CPNE3: variants seen among roughly 807,000 people sequenced by gnomAD.
CPNE3 encodes copine 3.
In CPNE3, 68 loss-of-function variants were observed where a neutral mutation model predicts 63.9. The observed-to-expected ratio is 1.06, with a 90% CI of 0.87 to 1.30. The LOEUF is 1.30. Ranked by LOEUF, CPNE3 falls within the 50% of genes most tolerant of loss-of-function variation. The pLI is 0.00. For synonymous variants in CPNE3, 219 were observed against 197.5 expected, an observed-to-expected ratio of 1.11 and a Z score of -0.91; for missense variants, 665 against 578.1, an observed-to-expected ratio of 1.15 and a Z score of -1.54.
chr8:86,526,241 T>A (rs147083385), intron 2 of CPNE3, among the ~76,000 whole-genome samples: 1 of 151,272 alleles, frequency 6.6e-6, no homozygotes, highest in Non-Finnish European at 1.5e-5. Context: ...AAAAAAAAAA[T>A]TGGGTGTGTG....
rs1821386211 is a variant in CPNE3, at chr8:86,559,291, G to C, written c.*881G>C. 3.3e-5 allele frequency: 5 copies of C among 151,890 alleles called. No homozygotes were observed. 9.4% of individuals were successfully genotyped at this position (151,890 alleles called of 1,614,324 possible). A position where few individuals can be genotyped will look rare whatever the true frequency, so the allele number is the denominator to read the frequency against. On this transcript the variant is annotated 3_prime_UTR_variant, in exon 17 of 17. Coordinates refer to ENST00000517490, the MANE Select transcript of CPNE3 (RefSeq NM_003909.5). ...ACTGTTTTGTCCAGGAAAGATAAGA[G>C]GACCAAACATATAAGGTGAAATTCA...
chr8:86,555,770 C>T (rs73269510), intron 15 of CPNE3, among the ~76,000 whole-genome samples: 1,772 of 152,078 alleles, frequency 0.012, 31 homozygotes, highest in African/African-American at 0.039. Flanking sequence ...TTCCACTTGC[C>T]TCCTTGATAG....
intron 4 of CPNE3, among the ~76,000 whole-genome samples, chr8:86,530,412 C>T (rs1820648836): frequency 6.6e-6 from 1 of 152,112 alleles, no homozygotes; most frequent in South Asian, 2.1e-4. Context: ...TCAAGCAATC[C>T]TCCCACCTCA....
chr8:86,533,334 G>A (rs1820726181), intron 6 of CPNE3, among the ~76,000 whole-genome samples: 1 of 152,002 alleles, frequency 6.6e-6, no homozygotes, highest in Admixed American at 6.6e-5. Context: ...CTTGAGCTCA[G>A]AAGTTTGAGA....
intron 15 of CPNE3, among the ~76,000 whole-genome samples, chr8:86,555,396 C>G (rs144794462): frequency 3.5e-4 from 54 of 152,310 alleles, no homozygotes; most frequent in African/African-American, 1.0e-3. Context: ...CCAAATTTCT[C>G]TTAGCCTCAG....
chr8:86,528,876 A>G, intron 3 of CPNE3, 69 bp from the exon 4 acceptor site: 3 of 1,418,948 alleles, frequency 2.1e-6, no homozygotes, highest in Non-Finnish European at 2.9e-6. Flanking sequence ...TGTTTAGTAT[A>G]TAAAGATGTG....
chr8:86,555,999 TG>T, intron 15 of CPNE3, 102 bp from the exon 16 acceptor site: 1 of 730,412 alleles, frequency 1.4e-6, no homozygotes. Context: ...GGGTAGAGAC[TG>T]GCAAGGAAAA....
In CPNE3 at chr8:86,558,396, C is replaced by A. The variant is rs148960796; in HGVS notation, c.1600C>A (p.Gln534Lys). The change falls in exon 17 of 17, where the codon CAA becomes AAA. Residue 534 changes from glutamine (Q) to lysine (K), a missense_variant. By Grantham distance (53) the Gln-to-Lys change is moderately conservative (BLOSUM62 1). Coordinates refer to ENST00000517490, the MANE Select transcript of CPNE3 (RefSeq NM_003909.5). ...LLPPKNPATK[Q>K]QKQ ...TCCTCCCAAGAACCCAGCCACGAAACAACAGAAGCAGTGACCACTTCAACA... is the reference window on the plus strand; with the variant it reads ...TCCTCCCAAGAACCCAGCCACGAAAAAACAGAAGCAGTGACCACTTCAACA... 14 of 872,838 alleles carry A rather than the reference C, an allele frequency of 1.6e-5. No homozygotes were observed. Among genetic ancestry groups the A allele is most frequent in the Non-Finnish European group, 2.4e-5 (12 of 501,668 alleles). The allele number at this position is 872,838 out of a possible 1,614,324, so 54.1% of individuals were successfully genotyped here.
chr8:86,522,528 A>G (rs1224372133), intron 2 of CPNE3, among the ~76,000 whole-genome samples: 1 of 137,454 alleles, frequency 7.3e-6, no homozygotes. Context: ...ATTTACAGCC[A>G]TATTACCTGA....
intron 3 of CPNE3, 94 bp downstream of exon 3, chr8:86,528,771 A>G (rs1820599686): frequency 7.0e-7 from 1 of 1,438,734 alleles, no homozygotes; most frequent in Non-Finnish European, 9.3e-7. Flanking sequence ...ACACTATCTC[A>G]TCTGTTAATG....
intron 6 of CPNE3, among the ~76,000 whole-genome samples, chr8:86,537,120 C>G (rs1820819084): frequency 6.6e-6 from 1 of 152,082 alleles, no homozygotes. Context: ...GATATGTGAT[C>G]TTGGGAAAAT....
chr8:86,549,838 G>C (rs977942242), intron 12 of CPNE3, among the ~76,000 whole-genome samples: 1 of 152,158 alleles, frequency 6.6e-6, no homozygotes, highest in Non-Finnish European at 1.5e-5. Context: ...CCTTTTAGGG[G>C]CATGATTCAG....
intron 12 of CPNE3, 25 bp from the exon 13 acceptor site, chr8:86,551,016 GTATTT>G: frequency 6.5e-7 from 1 of 1,527,444 alleles, no homozygotes. Flanking sequence ...GGAAAAAACA[GTATTT>G]TATTAAATAT....
At chr8:86,522,927 G>C (rs985190178) in intron 2 of CPNE3, among the ~76,000 whole-genome samples, 1 of 152,084 alleles carries the variant, frequency 6.6e-6, no homozygotes, top group African/African-American at 2.4e-5. Flanking sequence ...CCTCACCTGC[G>C]TACCTTATCT....
intron 12 of CPNE3, among the ~76,000 whole-genome samples, chr8:86,549,592 A>G (rs1379861856): frequency 1.3e-5 from 2 of 152,228 alleles, no homozygotes; most frequent in Non-Finnish European, 2.9e-5. Context: ...ATTATTCTGT[A>G]TAAATTAGAG....
intron 2 of CPNE3, among the ~76,000 whole-genome samples, chr8:86,526,804 G>C (rs938910811): frequency 6.6e-6 from 1 of 152,156 alleles, no homozygotes; most frequent in African/African-American, 2.4e-5. Context: ...GAGCTGCCGT[G>C]CCCGGCCAGC....
At chr8:86,550,881 A>G in intron 12 of CPNE3, 165 bp from the exon 13 acceptor site, 3 of 636,122 alleles carry the variant, frequency 4.7e-6, no homozygotes, top group Non-Finnish European at 7.5e-6. Flanking sequence ...TTAGGATGAG[A>G]GTTGTCAAAT....
intron 2 of CPNE3, among the ~76,000 whole-genome samples, chr8:86,527,766 G>T (rs1001501066): frequency 1.8e-4 from 28 of 151,762 alleles, no homozygotes; most frequent in Non-Finnish European, 3.2e-4. Flanking sequence ...GGGGCTTTTG[G>T]TTTTAGTCAA....
rs10098365 is a variant in CPNE3, at chr8:86,514,595, C to T, written c.-49+54C>T. 12 of 152,194 alleles carry T rather than the reference C, an allele frequency of 7.9e-5. No individual in the cohort carries two copies. In the East Asian group the frequency reaches 2.3e-3, roughly 29 times the overall value. The allele number at this position is 152,194 out of a possible 1,614,324, so 9.4% of individuals were successfully genotyped here. On this transcript the variant is annotated intron_variant, in intron 1 of 16. Coordinates refer to ENST00000517490, the MANE Select transcript of CPNE3 (RefSeq NM_003909.5). ...GCCGGTGAGGCAGCAGCCCAGCAAC[C>T]GTACCGCCCGGGGGAAAAGGAAAGT...
Sources: gnomAD v4.1 joint callset for allele counts (sites outside exome capture counted in the v4.1 genomes callset) on GRCh38, gnomAD v4.1.1 for gene constraint, MANE v1.5 for transcripts, NCBI Gene and HGNC (gene_info 2026-07-23, HGNC 2026-07-21) for gene names.